The following MTREX variants were observed in gnomAD, a reference collection of about 807,000 sequenced individuals.
The protein encoded by MTREX is Mtr4 exosome RNA helicase.
MTREX carries 76 observed loss-of-function variants against 135.4 expected under a neutral mutation model. That is an observed-to-expected ratio of 0.56 (90% CI 0.47 to 0.68). The LOEUF (loss-of-function observed/expected upper bound fraction) is 0.68, where lower values mean the gene tolerates loss of function less well. Among genes scored for constraint, MTREX ranks in the 30% least tolerant of loss-of-function variants. The probability of loss-of-function intolerance (pLI) is 0.00; values close to 1 mark genes in which losing one functional copy is unlikely to be tolerated. For missense variants in MTREX, 920 were observed against 1,262.1 expected (o/e 0.73, Z 4.11); for synonymous variants, 404 against 401.6 (o/e 1.01, Z -0.07).
At chr5:55,348,332 G>A (rs186676598) in intron 11 of MTREX, among the ~76,000 whole-genome samples, 1 of 152,216 alleles carries the variant, frequency 6.6e-6, no homozygotes, top group Admixed American at 6.5e-5. Flanking sequence ...ATCCATTCAT[G>A]AGGACCCTGT....
intron 11 of MTREX, among the ~76,000 whole-genome samples, chr5:55,347,967 G>A (rs751013913): frequency 3.6e-4 from 55 of 152,144 alleles, no homozygotes; most frequent in Non-Finnish European, 7.1e-4. Flanking sequence ...TGTCACGAGA[G>A]CAGCACAGGA....
intron 22 of MTREX, among the ~76,000 whole-genome samples, chr5:55,408,185 A>T (rs913444446): frequency 6.6e-6 from 1 of 152,026 alleles, no homozygotes; most frequent in African/African-American, 2.4e-5. Context: ...CACCCCACAC[A>T]TGCTTTTCCT....
At chr5:55,371,322 T>C (rs576788488) in intron 16 of MTREX, among the ~76,000 whole-genome samples, 3 of 152,198 alleles carry the variant, frequency 2.0e-5, no homozygotes, top group Non-Finnish European at 4.4e-5. Context: ...TAAAATTTGC[T>C]TAGTTCTGAG....
At chr5:55,410,457 A>T (rs1204480383) in intron 22 of MTREX, 67 bp from the exon 23 acceptor site, 2 of 772,832 alleles carry the variant, frequency 2.6e-6, no homozygotes, top group African/African-American at 3.5e-5. Flanking sequence ...CTACACGTTA[A>T]GGGCATATGT....
chr5:55,403,768 C>G (rs1189271438), intron 21 of MTREX, among the ~76,000 whole-genome samples: 2 of 152,192 alleles, frequency 1.3e-5, no homozygotes, highest in Non-Finnish European at 2.9e-5. Flanking sequence ...GGCATTGTGA[C>G]TACACATCTG....
At chr5:55,401,129 GGT>G (rs2111592830) in intron 21 of MTREX, among the ~76,000 whole-genome samples, 1 of 152,256 alleles carries the variant, frequency 6.6e-6, no homozygotes, top group South Asian at 2.1e-4. Flanking sequence ...CTGCCTCCCG[GGT>G]TCAAGTGATT....
chr5:55,319,606 A>G (rs1561184899), intron 1 of MTREX, among the ~76,000 whole-genome samples: 1 of 152,264 alleles, frequency 6.6e-6, no homozygotes, highest in Non-Finnish European at 1.5e-5. Flanking sequence ...GAAGAATAAC[A>G]TTCTCAGATG....
At chr5:55,377,673 A>C (rs1207943475) in intron 16 of MTREX, among the ~76,000 whole-genome samples, 1 of 152,180 alleles carries the variant, frequency 6.6e-6, no homozygotes, top group African/African-American at 2.4e-5. Flanking sequence ...ATTAACAAAA[A>C]ACCAGGGTGT....
chr5:55,361,448 A>G (rs1003791510), intron 15 of MTREX, among the ~76,000 whole-genome samples: 6 of 152,220 alleles, frequency 3.9e-5, no homozygotes, highest in African/African-American at 7.2e-5. Flanking sequence ...ACACATATTT[A>G]TATATTTGAG....
intron 16 of MTREX, among the ~76,000 whole-genome samples, chr5:55,375,291 G>C (rs1013957732): frequency 6.6e-6 from 1 of 152,112 alleles, no homozygotes; most frequent in Non-Finnish European, 1.5e-5. Context: ...GCATGGGAGC[G>C]CTATGGGAGA....
intron 5 of MTREX, among the ~76,000 whole-genome samples, chr5:55,332,292 T>C (rs1749491215): frequency 6.6e-6 from 1 of 152,254 alleles, no homozygotes; most frequent in Admixed American, 6.5e-5. Flanking sequence ...TCTTTTGATT[T>C]AACTTTTACA....
intron 19 of MTREX, among the ~76,000 whole-genome samples, chr5:55,389,020 A>G (rs1405987795): frequency 1.3e-5 from 2 of 152,212 alleles, no homozygotes; most frequent in Non-Finnish European, 1.5e-5. Flanking sequence ...TTAAAAAGAC[A>G]ATTCACTGTA....
At chr5:55,412,773 T>C (rs535764163) in intron 23 of MTREX, among the ~76,000 whole-genome samples, 1 of 152,292 alleles carries the variant, frequency 6.6e-6, no homozygotes, top group African/African-American at 2.4e-5. Context: ...CAGAGAGGAA[T>C]GTGATGAGTA....
chr5:55,374,286 A>ATATATATAT (rs58169395), intron 16 of MTREX, among the ~76,000 whole-genome samples: 2 of 144,836 alleles, frequency 1.4e-5, no homozygotes, highest in East Asian at 2.1e-4. Context: ...ATATATATAT[A>ATATATATAT]AACAATTTTT....
At chr5:55,341,100 G>A (rs1006785787) in intron 6 of MTREX, among the ~76,000 whole-genome samples, 6 of 152,168 alleles carry the variant, frequency 3.9e-5, no homozygotes, top group East Asian at 1.9e-4. Context: ...CCAGCCAAAA[G>A]CATTGCTCAC....
At chr5:55,403,963 T>A (rs1750761251) in intron 21 of MTREX, among the ~76,000 whole-genome samples, 2 of 152,232 alleles carry the variant, frequency 1.3e-5, no homozygotes, top group African/African-American at 4.8e-5. Context: ...CTCTGTATTC[T>A]TGACCAATTT....
chr5:55,336,915 T>C (rs1240100153), intron 5 of MTREX, among the ~76,000 whole-genome samples: 2 of 152,222 alleles, frequency 1.3e-5, no homozygotes, highest in Non-Finnish European at 2.9e-5. Context: ...GTCGGAGTAA[T>C]ACTGGAGACT....
At chr5:55,323,255 T>C (rs1579848379) in intron 2 of MTREX, among the ~76,000 whole-genome samples, 1 of 152,312 alleles carries the variant, frequency 6.6e-6, no homozygotes, top group Non-Finnish European at 1.5e-5. Context: ...TTTGTAACTT[T>C]TGAGTTTGTC....
intron 16 of MTREX, among the ~76,000 whole-genome samples, chr5:55,368,860 A>G (rs1253854786): frequency 6.6e-6 from 1 of 152,254 alleles, no homozygotes; most frequent in Non-Finnish European, 1.5e-5. Context: ...GGATGATCTC[A>G]ACACTCACCT....
Sources: gnomAD v4.1 joint callset for allele counts (sites outside exome capture counted in the v4.1 genomes callset) on GRCh38, gnomAD v4.1.1 for gene constraint, MANE v1.5 for transcripts, NCBI Gene and HGNC (gene_info 2026-07-23, HGNC 2026-07-21) for gene names.